The following NLRP4 variants were observed in gnomAD, a reference collection of about 807,000 sequenced individuals.
NLRP4 encodes NACHT, LRR and PYD domains-containing protein 4.
NLRP4 carries 44 observed loss-of-function variants against 84.7 expected under a neutral mutation model. The ratio of observed to expected loss-of-function variants is 0.52; its 90% CI spans 0.41 to 0.67. The LOEUF is 0.67. Among genes scored for constraint, NLRP4 ranks in the 30% least tolerant of loss-of-function variants. NLRP4 has a pLI of 0.00. For synonymous variants in NLRP4, 544 were observed against 476.4 expected, an observed-to-expected ratio of 1.14 and a Z score of -1.85; for missense variants, 1,260 against 1,219.4, an observed-to-expected ratio of 1.03 and a Z score of -0.50.
In NLRP4 at chr19:55,850,892, T is replaced by A. The variant is rs369563053; in HGVS notation, c.-65-1124T>A. 1.1e-3 allele frequency among the ~76,000 whole-genome samples: 41 copies of A among 38,412 alleles called. 1 individual carries two copies. Among genetic ancestry groups the A allele is most frequent in the Admixed American group, 1.3e-3 (4 of 2,998 alleles). The allele number at this position is 38,412 out of a possible 152,430, so 25.2% of individuals were successfully genotyped here. On this transcript the variant is annotated intron_variant, in intron 1 of 9. Transcript: ENST00000301295. ...TTACGAGGCTGCGGTGTAATGTCCG[T>A]GGCTGCGGTGTAATGTCCGAGGCTG...
At position 55,867,724 on chromosome 19, in the gene NLRP4, CCT is replaced by C; in HGVS notation, c.2206_2207del (p.Ser736ThrfsTer3). On this transcript the variant is annotated frameshift_variant, in exon 6 of 10. Transcript: ENST00000301295. LOFTEE classifies it high-confidence loss of function. ...TTTCCTGCAGGCTGGTAAATTGTCA[CCT>C]CTCACCCATTGATTGTGAAGTCCTT... Reference protein sequence around the residue: ...VKELALVNCHLSPIDCEVLAG... With the variant: ...VKELALVNCHXSPIDCEVLAG... 2 of 1,613,842 alleles carry C rather than the reference CCT, an allele frequency of 1.2e-6. No homozygotes were observed. Among genetic ancestry groups the C allele is most frequent in the African/African-American group, 2.7e-5 (2 of 75,036 alleles).
chr19:55,845,154 C>T (rs1983747033), intron 1 of NLRP4, among the ~76,000 whole-genome samples: 2 of 149,278 alleles, frequency 1.3e-5, no homozygotes, highest in South Asian at 4.4e-4. Context: ...TTAGGTACAT[C>T]TCCTAATGCT....
intron 4 of NLRP4, 110 bp from the exon 5 acceptor site, chr19:55,861,882 G>A (rs1460452173): frequency 1.2e-6 from 1 of 807,852 alleles, no homozygotes; most frequent in Non-Finnish European, 2.1e-6. Flanking sequence ...GTGTCATTGG[G>A]CTGTGAAATC....
At chr19:55,859,413 CTT>C (rs1984628186) in intron 3 of NLRP4, among the ~76,000 whole-genome samples, 164 bp downstream of exon 3, 1 of 152,152 alleles carries the variant, frequency 6.6e-6, no homozygotes, top group African/African-American at 2.4e-5. Flanking sequence ...AGCTCTTAGA[CTT>C]TGTCTGTGAG....
rs527953255 is a variant in NLRP4 at position 55,861,868 on chromosome 19, A to G, written c.2019-124A>G. The stretch of plus-strand genomic sequence containing the variant: ...AAATCTCTCAAGTTGAGAACTACTG[A>G]GCTGTGTCATTGGGCTGTGAAATCA... On this transcript the variant is annotated intron_variant, in intron 4 of 9. Coordinates refer to ENST00000301295, the MANE Select transcript of NLRP4 (RefSeq NM_134444.5). 28 of 752,490 alleles carry G rather than the reference A, an allele frequency of 3.7e-5. No homozygotes were observed. In the South Asian group the frequency reaches 4.5e-4, roughly 12 times the overall value. The allele number at this position is 752,490 out of a possible 1,614,324, so 46.6% of individuals were successfully genotyped here.
chr19:55,843,967 T>C (rs1437311871), intron 1 of NLRP4, among the ~76,000 whole-genome samples: 1 of 152,150 alleles, frequency 6.6e-6, no homozygotes, highest in African/African-American at 2.4e-5. Flanking sequence ...TTACGTGTCT[T>C]CTAGACCACT....
In NLRP4 at chr19:55,836,704, A is replaced by G. The variant is rs888241852; in HGVS notation, c.-296A>G. 8 of 150,960 alleles carry G rather than the reference A, an allele frequency of 5.3e-5. No individual in the cohort carries two copies. The highest frequency in any genetic ancestry group is 1.2e-4 in the African/African-American group (5 of 40,882). The allele number at this position is 150,960 out of a possible 1,614,324, so 9.4% of individuals were successfully genotyped here. A position where few individuals can be genotyped will look rare whatever the true frequency, so the allele number is the denominator to read the frequency against. ...GATCACAGCCAGGCCTCTCCATTCT[A>G]TTTACCCAGCGTTTTCCTTCTCTCC... is the stretch of plus-strand genomic sequence containing the variant. On this transcript the variant is annotated 5_prime_UTR_variant, in exon 1 of 10. Coordinates refer to ENST00000301295, the MANE Select transcript of NLRP4 (RefSeq NM_134444.5).
intron 1 of NLRP4, among the ~76,000 whole-genome samples, chr19:55,850,172 T>A (rs1248282360): frequency 0.024 from 1,893 of 78,926 alleles, no homozygotes; most frequent in Non-Finnish European, 0.027. Context: ...GTAATTTCCG[T>A]GGCTGCGGTG....
chr19:55,862,180 AC>A, intron 5 of NLRP4, 21 bp downstream of exon 5: 1 of 1,575,390 alleles, frequency 6.3e-7, no homozygotes, highest in African/African-American at 1.4e-5. Context: ...GTTTATTGAG[AC>A]CACTGATTGG....
chr19:55,874,384 C>T (rs931153688), intron 7 of NLRP4, among the ~76,000 whole-genome samples: 3 of 152,030 alleles, frequency 2.0e-5, no homozygotes, highest in Admixed American at 6.5e-5. Flanking sequence ...AGCTACATTC[C>T]AAGTGCTCAG....
At chr19:55,840,699 A>T (rs533062258) in intron 1 of NLRP4, among the ~76,000 whole-genome samples, 56 of 152,164 alleles carry the variant, frequency 3.7e-4, no homozygotes, top group African/African-American at 1.3e-3. Context: ...CACCCGGCTG[A>T]TCATTCGTAT....
At chr19:55,849,926 T>TG (rs1983969678) in intron 1 of NLRP4, among the ~76,000 whole-genome samples, 1 of 148,038 alleles carries the variant, frequency 6.8e-6, no homozygotes, top group African/African-American at 2.6e-5. Context: ...CGCGGTGTAA[T>TG]TTCCGTAGCC....
chr19:55,854,777 A>C (rs1044256394), intron 2 of NLRP4, among the ~76,000 whole-genome samples: 1 of 152,074 alleles, frequency 6.6e-6, no homozygotes, highest in Non-Finnish European at 1.5e-5. Context: ...GGAGTAAAGT[A>C]GCATGATTTT....
intron 6 of NLRP4, among the ~76,000 whole-genome samples, chr19:55,868,206 TTGA>T (rs1160562363): frequency 6.6e-6 from 1 of 152,358 alleles, no homozygotes; most frequent in Non-Finnish European, 1.5e-5. Flanking sequence ...ACTTCCCGTG[TTGA>T]TAACGGTTAT....
chr19:55,861,916 A>G, intron 4 of NLRP4, 76 bp from the exon 5 acceptor site: 2 of 968,586 alleles, frequency 2.1e-6, no homozygotes, highest in Non-Finnish European at 3.3e-6. Flanking sequence ...ATGATGGATG[A>G]TGAGAGACAA....
chr19:55,876,743 A>G (rs556394037), intron 7 of NLRP4, among the ~76,000 whole-genome samples: 73 of 152,288 alleles, frequency 4.8e-4, no homozygotes, highest in African/African-American at 1.7e-3. Context: ...TATGTAATAC[A>G]ATGTAAATGT....
intron 1 of NLRP4, among the ~76,000 whole-genome samples, chr19:55,851,489 C>A (rs1372622841): frequency 1.2e-4 from 1 of 8,444 alleles, no homozygotes; most frequent in Non-Finnish European, 1.8e-4. Context: ...GGTGTAATGT[C>A]CGTGGCTGCG....
At position 55,858,043 on chromosome 19, in the gene NLRP4, CAG is replaced by C. The variant is rs1984519028; in HGVS notation, c.654_655del (p.Glu218AspfsTer32). The stretch of plus-strand genomic sequence containing the variant: ...TGGCCTGACCCCGCTGCTCCTATAA[CAG>C]AGATCGTGTCTCAACCGGAGAGACT... On this transcript the variant is annotated frameshift_variant, in exon 3 of 10. Coordinates refer to ENST00000301295, the MANE Select transcript of NLRP4 (RefSeq NM_134444.5). LOFTEE classifies it high-confidence loss of function. This position sits in a 1 kb window ranked among gnomAD's most constrained non-coding sequence, Gnocchi z 4.2. 33 of 1,614,120 alleles carry C rather than the reference CAG, an allele frequency of 2.0e-5. No individual in the cohort carries two copies. The highest frequency in any genetic ancestry group is 2.7e-5 in the Non-Finnish European group (32 of 1,180,020).
At chr19:55,880,216 A>C (rs1241594981) in intron 9 of NLRP4, among the ~76,000 whole-genome samples, 3 of 152,138 alleles carry the variant, frequency 2.0e-5, no homozygotes, top group Admixed American at 6.5e-5. Context: ...GTTTTCTTGA[A>C]GTCCATCCTT....
Sources: gnomAD v4.1 joint callset for allele counts (sites outside exome capture counted in the v4.1 genomes callset) on GRCh38, gnomAD v4.1.1 for gene constraint, Gnocchi (gnomAD v3.1) non-coding constraint, MANE v1.5 for transcripts, NCBI Gene and HGNC (gene_info 2026-07-23, HGNC 2026-07-21) for gene names.